Variants in TRPS1 observed in about 807,000 individuals in gnomAD.
TRPS1 encodes the protein transcriptional repressor GATA binding 1.
In TRPS1, 6 loss-of-function variants were observed where a neutral mutation model predicts 101.2. That is an observed-to-expected ratio of 0.06 (90% CI 0.03 to 0.12). The LOEUF (loss-of-function observed/expected upper bound fraction) is 0.12. Ranked by LOEUF, TRPS1 falls within the 10% of genes least tolerant of loss-of-function variation. The probability of loss-of-function intolerance (pLI) is 1.00; values close to 1 mark genes in which losing one functional copy is unlikely to be tolerated. For synonymous variants in TRPS1, 578 were observed against 589.8 expected, an observed-to-expected ratio of 0.98 and a Z score of 0.29; for missense variants, 1,363 against 1,567.0, an observed-to-expected ratio of 0.87 and a Z score of 2.20.
chr8:115,554,720 C>T (rs1014917435), intron 5 of TRPS1, among the ~76,000 whole-genome samples: 11 of 152,086 alleles, frequency 7.2e-5, no homozygotes, highest in Admixed American at 7.2e-4. Context: ...AAATAAATTA[C>T]AGTGTAGAGG....
intron 1 of TRPS1, among the ~76,000 whole-genome samples, chr8:115,658,576 C>T (rs534397622): frequency 6.6e-6 from 1 of 152,242 alleles, no homozygotes; most frequent in East Asian, 1.9e-4. Flanking sequence ...AGTTCTCCAG[C>T]TCTAATCATT....
chr8:115,610,630 C>T (rs781232414), intron 3 of TRPS1, among the ~76,000 whole-genome samples: 20 of 152,168 alleles, frequency 1.3e-4, no homozygotes, highest in Non-Finnish European at 2.5e-4. Flanking sequence ...AACTCAAACT[C>T]CTACACTGGG....
intron 5 of TRPS1, among the ~76,000 whole-genome samples, chr8:115,514,763 A>G (rs1230098293): frequency 6.6e-6 from 1 of 151,580 alleles, no homozygotes; most frequent in Admixed American, 6.6e-5. Context: ...AATAAACTCA[A>G]GACATACCAA....
At position 115,619,312 on chromosome 8, in the gene TRPS1, T is replaced by C; in HGVS notation, c.786A>G (p.Gly262=). ...LIKHFRKYHL[G]LHNRTRQDAE... is the part of the protein sequence containing the mutation. Reference sequence around the variant, plus strand: ...CATCTTGCCTGGTGCGGTTATGCAGTCCTAAGTGATACTTTCGGAAGTGCT... The same window carrying C: ...CATCTTGCCTGGTGCGGTTATGCAGCCCTAAGTGATACTTTCGGAAGTGCT... The change falls in exon 3 of 7, where the codon GGA becomes GGG. Residue 262 remains glycine (G), a synonymous_variant. Transcript: ENST00000395715. 1 of 1,614,206 alleles carries C rather than the reference T, an allele frequency of 6.2e-7. No homozygotes were observed. The highest frequency in any genetic ancestry group is 1.7e-5 in the Admixed American group (1 of 60,024).
rs373053040 is a variant in TRPS1, at chr8:115,499,915, ATTTCTTTCTTTC to A, written c.2701-81475_2701-81464del. Among the ~76,000 whole-genome samples the A allele has an allele frequency of 6.6e-3, 885 of 134,858 alleles. 6 individuals are homozygous for A. The highest frequency in any genetic ancestry group is 0.012 in the South Asian group (50 of 4,136). The allele number at this position is 134,858 out of a possible 152,430, so 88.5% of individuals were successfully genotyped here. The stretch of plus-strand genomic sequence containing the variant: ...ATGATGACATCTGGAAAAGTGCTAA[ATTTCTTTCTTTC>A]TTTCTTTCTTTCTTTCTTTCTTTCT... On this transcript the variant is annotated intron_variant, in intron 5 of 6. Transcript: ENST00000395715.
chr8:115,435,544 G>A (rs967099160), intron 5 of TRPS1, among the ~76,000 whole-genome samples: 2 of 152,234 alleles, frequency 1.3e-5, no homozygotes, highest in African/African-American at 2.4e-5. Context: ...GGGGACTCAC[G>A]GTGGGCTGGT....
chr8:115,489,886 T>C (rs1043645351), intron 5 of TRPS1, among the ~76,000 whole-genome samples: 2 of 152,136 alleles, frequency 1.3e-5, no homozygotes, highest in Non-Finnish European at 2.9e-5. Context: ...TCAATCCATC[T>C]TAAACTTAAT....
Position 115,656,926 on chromosome 8 carries a change from A to C in TRPS1, c.-122+11619T>G, listed in dbSNP as rs540920241. Reference sequence around the variant, plus strand: ...TTCTGATAAGCTTTAAAAGAAAAAAACTAAACTAAATATTTCAAAATCAAT... The same window carrying C: ...TTCTGATAAGCTTTAAAAGAAAAAACCTAAACTAAATATTTCAAAATCAAT... On this transcript the variant is annotated intron_variant, in intron 1 of 6. Transcript: ENST00000395715. 2.0e-3 allele frequency among the ~76,000 whole-genome samples: 297 copies of C among 152,292 alleles called. 1 individual carries two copies. The highest frequency in any genetic ancestry group is 6.5e-3 in the African/African-American group (270 of 41,572).
chr8:115,574,105 C>T (rs980130919), intron 5 of TRPS1, among the ~76,000 whole-genome samples: 7 of 152,144 alleles, frequency 4.6e-5, no homozygotes, highest in Non-Finnish European at 1.0e-4. Context: ...GTACAGAAAT[C>T]TTGATATACT....
intron 5 of TRPS1, among the ~76,000 whole-genome samples, chr8:115,495,287 T>C (rs975682705): frequency 2.0e-5 from 3 of 152,082 alleles, no homozygotes; most frequent in African/African-American, 7.2e-5. Context: ...CAACTCTGTA[T>C]TACCATGACA....
chr8:115,482,227 T>C (rs960289274), intron 5 of TRPS1, among the ~76,000 whole-genome samples: 8 of 152,158 alleles, frequency 5.3e-5, no homozygotes, highest in African/African-American at 1.9e-4. Flanking sequence ...AAACAAATCA[T>C]TTCAAATAAG....
At chr8:115,490,013 A>G (rs1312099502) in intron 5 of TRPS1, among the ~76,000 whole-genome samples, 3 of 152,142 alleles carry the variant, frequency 2.0e-5, no homozygotes, top group Non-Finnish European at 4.4e-5. Context: ...GTAGAAGAAA[A>G]CACAAATGAA....
intron 5 of TRPS1, among the ~76,000 whole-genome samples, chr8:115,522,216 C>T (rs1442271320): frequency 2.6e-5 from 4 of 152,000 alleles, no homozygotes; most frequent in South Asian, 4.1e-4. Flanking sequence ...AATGTAAGTA[C>T]TTTTTCCCAC....
At chr8:115,649,433 T>C (rs911108909) in intron 1 of TRPS1, among the ~76,000 whole-genome samples, 11 of 152,338 alleles carry the variant, frequency 7.2e-5, no homozygotes, top group Middle Eastern at 3.4e-3. Flanking sequence ...TGTTGTAGCC[T>C]AGGCAATTTA....
chr8:115,622,400 A>T (rs1311156847), intron 2 of TRPS1, among the ~76,000 whole-genome samples: 2 of 152,186 alleles, frequency 1.3e-5, no homozygotes, highest in Non-Finnish European at 2.9e-5. Flanking sequence ...TAAATGAGCA[A>T]ACTGAAAAAA....
At chr8:115,609,498 T>C (rs970574070) in intron 3 of TRPS1, among the ~76,000 whole-genome samples, 2 of 152,240 alleles carry the variant, frequency 1.3e-5, no homozygotes, top group Non-Finnish European at 1.5e-5. Flanking sequence ...CGAAGGGAGA[T>C]GTAAGCAGAT....
chr8:115,455,590 A>G (rs1813995370), intron 5 of TRPS1, among the ~76,000 whole-genome samples: 1 of 152,130 alleles, frequency 6.6e-6, no homozygotes, highest in Admixed American at 6.5e-5. Flanking sequence ...GTTATTCACA[A>G]ATTTAAACAG....
In TRPS1 at chr8:115,418,933, G is replaced by GT. The variant is rs1292609463; in HGVS notation, c.2701-482dup. On this transcript the variant is annotated intron_variant, in intron 5 of 6. Coordinates refer to ENST00000395715, the MANE Select transcript of TRPS1 (RefSeq NM_014112.5). The surrounding 1 kb of genome is among the most constrained non-coding windows in gnomAD (Gnocchi z 4.3). ...TGTTTTTGTATGTCATTCATGTAAC[G>GT]TAAGTATTACGAGAATATAAGACAC... 2.0e-5 allele frequency among the ~76,000 whole-genome samples: 3 copies of GT among 152,158 alleles called. No homozygotes were observed. Among genetic ancestry groups the GT allele is most frequent in the Non-Finnish European group, 2.9e-5 (2 of 68,026 alleles).
At chr8:115,483,297 T>C (rs955221050) in intron 5 of TRPS1, among the ~76,000 whole-genome samples, 5 of 151,866 alleles carry the variant, frequency 3.3e-5, no homozygotes, top group African/African-American at 1.2e-4. Flanking sequence ...CTTTGGGAGG[T>C]TGGGCAGGTG....
Sources: gnomAD v4.1 joint callset for allele counts (sites outside exome capture counted in the v4.1 genomes callset) on GRCh38, gnomAD v4.1.1 for gene constraint, Gnocchi (gnomAD v3.1) non-coding constraint, MANE v1.5 for transcripts, NCBI Gene and HGNC (gene_info 2026-07-23, HGNC 2026-07-21) for gene names.